The following MYO5A variants were observed in gnomAD, a reference collection of about 807,000 sequenced individuals.
MYO5A encodes the protein myosin VA.
Under a neutral mutation model 249.7 loss-of-function variants are expected in MYO5A, and 98 were observed. The ratio of observed to expected loss-of-function variants is 0.39; its 90% confidence interval spans 0.33 to 0.46. The LOEUF is 0.46. MYO5A is among the 20% of genes least tolerant of loss of function. The pLI, the probability that MYO5A is intolerant of heterozygous loss-of-function variation, is 0.98. For missense variants in MYO5A, 1,696 were observed against 2,308.8 expected (o/e 0.73, Z 5.44); for synonymous variants, 778 against 810.6 (o/e 0.96, Z 0.68).
At chr15:52,448,957 C>CTTTTTTTTTTTTTTTTTTTTTTT (rs145765339) in intron 1 of MYO5A, among the ~76,000 whole-genome samples, 3 of 55,580 alleles carry the variant, frequency 5.4e-5, no homozygotes, top group African/African-American at 8.5e-5. Context: ...TCTTGTCTTT[C>CTTTTTTTTTTTTTTTTTTTTTTT]TTTTTTTTTT....
intron 1 of MYO5A, among the ~76,000 whole-genome samples, chr15:52,484,790 C>T (rs920998813): frequency 4.6e-5 from 7 of 152,132 alleles, no homozygotes; most frequent in African/African-American, 1.7e-4. Context: ...ATTGCAGGCA[C>T]CCACCACCAC....
At chr15:52,401,516 T>C (rs1468051668) in intron 9 of MYO5A, among the ~76,000 whole-genome samples, 3 of 152,236 alleles carry the variant, frequency 2.0e-5, no homozygotes, top group Non-Finnish European at 4.4e-5. Context: ...CTTTTATAGC[T>C]GCAGCTGGGA....
chr15:52,510,328 C>G (rs79470535), intron 1 of MYO5A, among the ~76,000 whole-genome samples: 3,182 of 152,292 alleles, frequency 0.021, 85 homozygotes, highest in African/African-American at 0.073. Context: ...TCTACTCATT[C>G]AGATCTATTA....
chr15:52,459,146 A>ATTTTTTTTTTTTTTTTTT (rs199923318), intron 1 of MYO5A, among the ~76,000 whole-genome samples: 1 of 49,058 alleles, frequency 2.0e-5, no homozygotes, highest in Non-Finnish European at 4.6e-5. Context: ...ATTTTCCAGA[A>ATTTTTTTTTTTTTTTTTT]ATTTTTTTTT....
intron 1 of MYO5A, among the ~76,000 whole-genome samples, chr15:52,461,375 A>G (rs377009761): frequency 2.0e-5 from 3 of 152,196 alleles, no homozygotes; most frequent in Admixed American, 2.0e-4. Context: ...TGTTTTTGCA[A>G]TTATTAATAA....
chr15:52,329,180 T>C (rs1481635402), intron 35 of MYO5A: 1 of 152,246 alleles, frequency 6.6e-6, no homozygotes, highest in Non-Finnish European at 1.5e-5. Flanking sequence ...CTGTTAATTC[T>C]TTGCTGAATT....
intron 1 of MYO5A, among the ~76,000 whole-genome samples, chr15:52,433,742 G>A (rs183727848): frequency 6.6e-6 from 1 of 151,990 alleles, no homozygotes; most frequent in Non-Finnish European, 1.5e-5. Flanking sequence ...TTTTAAATTA[G>A]TAAACAAAAA....
chr15:52,464,189 C>G (rs147330611), intron 1 of MYO5A, among the ~76,000 whole-genome samples: 2 of 152,272 alleles, frequency 1.3e-5, no homozygotes, highest in East Asian at 3.9e-4. Flanking sequence ...GGCCAAACCC[C>G]GATTCAGGTA....
At chr15:52,445,451 G>A (rs2075868901) in intron 1 of MYO5A, among the ~76,000 whole-genome samples, 1 of 152,060 alleles carries the variant, frequency 6.6e-6, no homozygotes, top group Non-Finnish European at 1.5e-5. Context: ...TTTCTTTATA[G>A]CAATGCAAGA....
intron 1 of MYO5A, among the ~76,000 whole-genome samples, chr15:52,436,204 T>C (rs1478527916): frequency 6.6e-6 from 1 of 152,202 alleles, no homozygotes; most frequent in Non-Finnish European, 1.5e-5. Context: ...GTGCTGGGAT[T>C]ACGGCGTGAG....
chr15:52,471,971 T>G (rs571358575), intron 1 of MYO5A, among the ~76,000 whole-genome samples: 1 of 152,284 alleles, frequency 6.6e-6, no homozygotes, highest in East Asian at 1.9e-4. Flanking sequence ...AGTGCTAGGA[T>G]TACAGGCATG....
intron 14 of MYO5A, among the ~76,000 whole-genome samples, chr15:52,386,277 G>A (rs1430072016): frequency 1.3e-5 from 2 of 151,668 alleles, no homozygotes; most frequent in Non-Finnish European, 2.9e-5. Context: ...TCACATCACT[G>A]CACTCTAGCC....
rs2039126872 is a variant in MYO5A, at chr15:52,336,543, T to C, written c.4328A>G (p.Gln1443Arg). Residue 1443 changes from glutamine (Q) to arginine (R), a missense_variant, in exon 34 of 42, where the codon CAA becomes CGA. Physicochemically the swap from Gln to Arg is conservative, Grantham distance 43. Coordinates refer to ENST00000399233, the MANE Select transcript of MYO5A (RefSeq NM_001382347.1). ...GACCGTCTTATCCTGTTTTTCAAGT[T>C]GTTCCATCAAATCCTAAAGATCAAA... Reference protein sequence around the residue: ...LYKRMIDLMEQLEKQDKTVRK... With the variant: ...LYKRMIDLMERLEKQDKTVRK... 2 of 1,604,458 alleles carry C rather than the reference T, an allele frequency of 1.2e-6. No individual in the cohort carries two copies. Among genetic ancestry groups the C allele is most frequent in the Admixed American group, 3.4e-5 (2 of 59,182 alleles).
rs762992452 is a variant in MYO5A at position 52,340,181 on chromosome 15, G to A, written c.4239+15C>T. On this transcript the variant is annotated intron_variant, in intron 32 of 41. Coordinates refer to ENST00000399233, the MANE Select transcript of MYO5A (RefSeq NM_001382347.1). ...GCTAGGTTAAGAAGCATGTGGACCCGGCAGCTCTCCTTACCAAGTTTTCGT... is the reference window on the plus strand; with the variant it reads ...GCTAGGTTAAGAAGCATGTGGACCCAGCAGCTCTCCTTACCAAGTTTTCGT... 58 of 1,613,772 alleles carry A rather than the reference G, an allele frequency of 3.6e-5. No homozygotes were observed. The highest frequency in any genetic ancestry group is 2.4e-4 in the South Asian group (22 of 91,036).
intron 32 of MYO5A, among the ~76,000 whole-genome samples, chr15:52,339,563 C>T (rs978013052): frequency 6.7e-6 from 1 of 148,582 alleles, no homozygotes; most frequent in African/African-American, 2.5e-5. Context: ...GAAAAGAAAA[C>T]AGTCAGACTC....
chr15:52,477,953 G>A (rs1057477146), intron 1 of MYO5A, among the ~76,000 whole-genome samples: 3 of 152,220 alleles, frequency 2.0e-5, no homozygotes, highest in African/African-American at 7.2e-5. Context: ...ACACAGGGAC[G>A]TTTAAGTCTG....
At chr15:52,346,738 G>C in intron 29 of MYO5A, 1 of 488,652 alleles carries the variant, frequency 2.0e-6, no homozygotes, top group East Asian at 5.1e-5. Flanking sequence ...TAAAATCACT[G>C]ATGGGCCATA....
intron 1 of MYO5A, among the ~76,000 whole-genome samples, chr15:52,520,667 G>A (rs531302008): frequency 2.6e-5 from 4 of 152,186 alleles, no homozygotes; most frequent in African/African-American, 9.6e-5. Context: ...AGCTGTGGCT[G>A]GTAAACTGAC....
chr15:52,346,288 G>A (rs769198600), intron 30 of MYO5A, 73 bp downstream of exon 30: 43 of 912,036 alleles, frequency 4.7e-5, no homozygotes, highest in Non-Finnish European at 7.1e-5. Flanking sequence ...CACTTTTACT[G>A]TACAAGAGGC....
Sources: allele counts gnomAD v4.1 joint callset (sites outside exome capture counted in the v4.1 genomes callset), GRCh38; gene constraint gnomAD v4.1.1; transcripts MANE v1.5; gene names NCBI Gene and HGNC (gene_info 2026-07-23, HGNC 2026-07-21).